The following PKHD1L1 variants were observed in gnomAD, a reference collection of about 807,000 sequenced individuals.
PKHD1L1 encodes fibrocystin-L.
A neutral mutation model predicts 462.9 loss-of-function variants in PKHD1L1; 434 were observed. The ratio of observed to expected loss-of-function variants is 0.94; its 90% confidence interval spans 0.87 to 1.02. The LOEUF (loss-of-function observed/expected upper bound fraction) is 1.02, where lower values mean the gene tolerates loss of function less well. PKHD1L1 is among the 50% of genes least tolerant of loss of function. The probability of loss-of-function intolerance (pLI) is 0.00; values close to 1 mark genes in which losing one functional copy is unlikely to be tolerated. For synonymous variants in PKHD1L1, 1,781 were observed against 1,750.0 expected (o/e 1.02, Z -0.44); for missense variants, 5,202 against 5,096.1 (o/e 1.02, Z -0.63).
At chr8:109,522,675 G>A in intron 74 of PKHD1L1, 69 bp from the exon 75 acceptor site, 2 of 1,417,004 alleles carry the variant, frequency 1.4e-6, no homozygotes, top group East Asian at 2.4e-5. Context: ...ACTCAGCCTG[G>A]CTAAAATGAG....
chr8:109,482,231 T>C (rs1818309310), intron 56 of PKHD1L1, among the ~76,000 whole-genome samples: 1 of 151,858 alleles, frequency 6.6e-6, no homozygotes, highest in Non-Finnish European at 1.5e-5. Context: ...TTTCTAAAAC[T>C]GACACCAAGT....
chr8:109,471,683 A>G (rs1817728824), intron 50 of PKHD1L1, among the ~76,000 whole-genome samples: 1 of 152,200 alleles, frequency 6.6e-6, no homozygotes, highest in Non-Finnish European at 1.5e-5. Context: ...TTCTATTTAG[A>G]CAGCCTTTAT....
intron 43 of PKHD1L1, among the ~76,000 whole-genome samples, chr8:109,453,701 T>G (rs948550675): frequency 3.3e-5 from 5 of 152,226 alleles, no homozygotes; most frequent in African/African-American, 9.6e-5. Context: ...TGGTATGATC[T>G]TTAATAATGC....
intron 8 of PKHD1L1, 68 bp from the exon 9 acceptor site, chr8:109,390,365 CTGCTTTTAAATCAGCTTTA>C: frequency 1.5e-6 from 1 of 687,962 alleles, no homozygotes; most frequent in Non-Finnish European, 2.2e-6. Context: ...TACTTTTTCT[CTGCTTTTAAATCAGCTTTA>C]TAATATAGAG....
In PKHD1L1 at chr8:109,444,688, G is replaced by A. The variant is rs73700891; in HGVS notation, c.4819G>A (p.Val1607Ile). Residue 1607 changes from valine to isoleucine, a missense_variant, in exon 38 of 78, where the codon GTA becomes ATA. By Grantham distance (29) the Val-to-Ile change is conservative (BLOSUM62 3). Transcript: ENST00000378402. Reference protein sequence around the residue: ...KVTIGSYPCVVEESSEDSITC... With the variant: ...KVTIGSYPCVIEESSEDSITC... ...TACAATTGGTAGCTACCCCTGTGTCGTAGAAGAAAGTAGTGAGGATTCAAT... is the reference window on the plus strand; with the variant it reads ...TACAATTGGTAGCTACCCCTGTGTCATAGAAGAAAGTAGTGAGGATTCAAT... The A allele has an allele frequency of 8.8e-3, 14,259 of 1,613,532 alleles. 113 individuals carry two copies. The highest frequency in any genetic ancestry group is 0.04 in the Middle Eastern group (241 of 6,060).
chr8:109,505,772 G>A (rs1819656574), intron 68 of PKHD1L1, among the ~76,000 whole-genome samples: 1 of 151,988 alleles, frequency 6.6e-6, no homozygotes. Flanking sequence ...GGGTGTGGTG[G>A]TGTACACCTG....
chr8:109,374,385 T>G (rs888505349), intron 2 of PKHD1L1, among the ~76,000 whole-genome samples: 1 of 152,204 alleles, frequency 6.6e-6, no homozygotes, highest in Non-Finnish European at 1.5e-5. Flanking sequence ...ATTTTGAGCC[T>G]ATGTGTGTCT....
At chr8:109,420,713 A>G in intron 23 of PKHD1L1, 23 bp downstream of exon 23, 1 of 1,473,254 alleles carries the variant, frequency 6.8e-7, no homozygotes, top group African/African-American at 1.5e-5. Context: ...TTTTGCATTA[A>G]TTTTTATGTA....
chr8:109,397,115 T>A (rs1387150797), intron 11 of PKHD1L1, among the ~76,000 whole-genome samples: 1 of 152,222 alleles, frequency 6.6e-6, no homozygotes, highest in Non-Finnish European at 1.5e-5. Context: ...TTAATTTATA[T>A]ACTATGTTTT....
chr8:109,408,196 C>A lies in PKHD1L1; in HGVS notation c.1961C>A (p.Ser654Ter). 1 of 1,611,830 alleles carries A rather than the reference C, an allele frequency of 6.2e-7. No individual in the cohort carries two copies. Among genetic ancestry groups the A allele is most frequent in the Non-Finnish European group, 8.5e-7 (1 of 1,178,644 alleles). Residue 654 changes from serine (S) to a stop codon, truncating the protein, a stop_gained, in exon 18 of 78, where the codon TCA (serine) becomes TAA (stop). Transcript: ENST00000378402. LOFTEE classifies it high-confidence loss of function. ...TCTAAGCCACTCACTCTATGGTCAT[C>A]AGAAGCTGAAGTACGGTGTAGGAAT... ...IASKPLTLWS[S>*]EAEFQGAVEE...
intron 76 of PKHD1L1, among the ~76,000 whole-genome samples, chr8:109,523,953 G>A (rs940756678): frequency 1.1e-4 from 16 of 152,124 alleles, no homozygotes; most frequent in Non-Finnish European, 7.4e-5. Flanking sequence ...TGTATTAAGT[G>A]ATATCTTCAA....
chr8:109,460,723 A>C (rs750811040), intron 47 of PKHD1L1, among the ~76,000 whole-genome samples: 2 of 152,208 alleles, frequency 1.3e-5, no homozygotes, highest in Non-Finnish European at 2.9e-5. Context: ...TTTACAAACA[A>C]GCCCAAAATG....
intron 19 of PKHD1L1, 34 bp from the exon 20 acceptor site, chr8:109,412,231 C>T (rs770404706): frequency 1.2e-6 from 2 of 1,607,392 alleles, no homozygotes; most frequent in Non-Finnish European, 1.7e-6. Context: ...AACAATAAAT[C>T]ATGTTTTCAT....
At chr8:109,459,395 T>C (rs1254311737) in intron 46 of PKHD1L1, among the ~76,000 whole-genome samples, 200 bp from the exon 47 acceptor site, 1 of 152,032 alleles carries the variant, frequency 6.6e-6, no homozygotes, top group African/African-American at 2.4e-5. Flanking sequence ...AAATATTTCA[T>C]TGAATTGAAT....
intron 73 of PKHD1L1, among the ~76,000 whole-genome samples, chr8:109,521,096 A>T (rs1044721199): frequency 1.3e-5 from 2 of 152,142 alleles, no homozygotes; most frequent in African/African-American, 4.8e-5. Context: ...CTTTTTCCAA[A>T]AGAGTCTGAG....
chr8:109,450,672 T>G (rs1816435681), intron 40 of PKHD1L1, among the ~76,000 whole-genome samples: 1 of 152,188 alleles, frequency 6.6e-6, no homozygotes, highest in Non-Finnish European at 1.5e-5. Context: ...CTTCCTGTTC[T>G]AATTTACAAA....
chr8:109,385,740 C>A (rs915693673), intron 6 of PKHD1L1, 110 bp downstream of exon 6: 4 of 640,016 alleles, frequency 6.2e-6, no homozygotes, highest in African/African-American at 1.9e-5. Context: ...ATATAACTAA[C>A]CAGTGTTTTT....
intron 32 of PKHD1L1, among the ~76,000 whole-genome samples, chr8:109,439,958 A>G (rs1040592529): frequency 6.6e-6 from 1 of 152,104 alleles, no homozygotes; most frequent in African/African-American, 2.4e-5. Context: ...GCTCACATGG[A>G]TTCTATATTG....
chr8:109,515,047 C>A, intron 71 of PKHD1L1, 123 bp from the exon 72 acceptor site: 1 of 759,728 alleles, frequency 1.3e-6, no homozygotes, highest in South Asian at 2.7e-5. Context: ...ATCCCTTATC[C>A]CAAATCCATA....
Sources: allele counts gnomAD v4.1 joint callset (sites outside exome capture counted in the v4.1 genomes callset), GRCh38; gene constraint gnomAD v4.1.1; transcripts MANE v1.5; gene names NCBI Gene and HGNC (gene_info 2026-07-23, HGNC 2026-07-21).